Variants in C1orf167 observed in about 807,000 individuals in gnomAD.
The protein encoded by C1orf167 is uncharacterized protein C1orf167.
C1orf167 carries 153 observed loss-of-function variants against 176.5 expected under a neutral mutation model. The ratio of observed to expected loss-of-function variants is 0.87; its 90% CI spans 0.76 to 0.99. The LOEUF is 0.99. C1orf167 is among the 50% of genes least tolerant of loss of function. The probability of loss-of-function intolerance (pLI) is 0.00; values close to 1 mark genes in which losing one functional copy is unlikely to be tolerated. For synonymous variants in C1orf167, 594 were observed against 752.7 expected (o/e 0.79, Z 3.45); for missense variants, 1,490 against 1,817.7 (o/e 0.82, Z 3.28).
rs1389925784 is a variant in C1orf167 at position 11,766,079 on chromosome 1, T to A, written c.293T>A (p.Phe98Tyr). Residue 98 changes from phenylalanine to tyrosine, a missense_variant, in exon 3 of 21, where the codon TTC (phenylalanine) becomes TAC (tyrosine). Transcript: ENST00000688073. The surrounding 1 kb of genome is among the most constrained non-coding windows in gnomAD (Gnocchi z 4.5). ...DTTGQLVNSS[F>Y]WQQSNLQSLA... ...ACTGGCCAACTGGTCAATTCAAGCT[T>A]CTGGCAACAGAGCAACCTGCAGTCC... 7.8e-7 allele frequency: 1 copy of A among 1,289,756 alleles called. No homozygotes were observed. Among genetic ancestry groups the A allele is most frequent in the Non-Finnish European group, 1.0e-6 (1 of 988,890 alleles). The allele number at this position is 1,289,756 out of a possible 1,614,324, so 79.9% of individuals were successfully genotyped here.
At chr1:11,784,020 G>T (rs929532678) in intron 14 of C1orf167, among the ~76,000 whole-genome samples, 154 bp from the exon 15 acceptor site, 4 of 152,082 alleles carry the variant, frequency 2.6e-5, no homozygotes, top group Non-Finnish European at 5.9e-5. Flanking sequence ...ACCAGGCCTG[G>T]CTAATTTTTG....
intron 2 of C1orf167, 134 bp downstream of exon 2, chr1:11,764,604 G>T: frequency 2.9e-6 from 2 of 688,778 alleles, no homozygotes; most frequent in Non-Finnish European, 4.3e-6. Context: ...CCCACGGTCG[G>T]CTGGACATAG....
chr1:11,773,984 G>C (rs2100313635), intron 8 of C1orf167, among the ~76,000 whole-genome samples: 1 of 151,866 alleles, frequency 6.6e-6, no homozygotes, highest in East Asian at 1.9e-4. Context: ...TCTCACTGTA[G>C]CCTCAAATTC....
At chr1:11,783,926 C>T (rs1250077379) in intron 14 of C1orf167, among the ~76,000 whole-genome samples, 3 of 152,172 alleles carry the variant, frequency 2.0e-5, no homozygotes, top group East Asian at 1.9e-4. Flanking sequence ...TGCGCGATCT[C>T]GGCTTACTGC....
At chr1:11,773,998 G>C (rs1296015293) in intron 8 of C1orf167, among the ~76,000 whole-genome samples, 1 of 151,712 alleles carries the variant, frequency 6.6e-6, no homozygotes, top group Admixed American at 6.6e-5. Flanking sequence ...CAAATTCCTA[G>C]GCTCAAGGGA....
intron 9 of C1orf167, among the ~76,000 whole-genome samples, 185 bp from the exon 10 acceptor site, chr1:11,776,279 C>CA (rs747026761): frequency 7.3e-6 from 1 of 137,082 alleles, no homozygotes; most frequent in Non-Finnish European, 1.7e-5. Context: ...AAACAAAAAA[C>CA]AAAAAAACAC....
At chr1:11,787,169 G>A (rs1208431977) in intron 16 of C1orf167, 2 of 209,272 alleles carry the variant, frequency 9.6e-6, no homozygotes, top group Non-Finnish European at 2.0e-5. Context: ...TTTCAGTGGG[G>A]AGAGAAATAG....
chr1:11,776,537 GGA>G lies in C1orf167; in HGVS notation c.2240_2241del (p.Glu747AlafsTer213). 7.7e-7 allele frequency: 1 copy of G among 1,292,954 alleles called. No individual in the cohort carries two copies. Among genetic ancestry groups the G allele is most frequent in the Middle Eastern group, 2.2e-4 (1 of 4,588 alleles). The allele number at this position is 1,292,954 out of a possible 1,614,324, so 80.1% of individuals were successfully genotyped here. Reference protein sequence around the residue: ...GAVGQAQGQQEQGRGSLQDAC... With the variant: ...GAVGQAQGQQXQGRGSLQDAC... Reference sequence around the variant, plus strand: ...CAGTGGGCCAGGCCCAGGGGCAGCAGGAGCAAGGCCGGGGCTCCCTGCAGGAT... The same window carrying G: ...CAGTGGGCCAGGCCCAGGGGCAGCAGGCAAGGCCGGGGCTCCCTGCAGGAT... On this transcript the variant is annotated frameshift_variant, in exon 10 of 21. Coordinates refer to ENST00000688073, the MANE Select transcript of C1orf167 (RefSeq NM_001010881.2). LOFTEE classifies it high-confidence loss of function.
intron 13 of C1orf167, among the ~76,000 whole-genome samples, chr1:11,781,780 T>G (rs1171153014): frequency 1.3e-5 from 2 of 151,800 alleles, no homozygotes; most frequent in Admixed American, 1.3e-4. Context: ...CGTGGTAGTG[T>G]GCGCCTGTAG....
chr1:11,772,352 C>G (rs1036978276), intron 8 of C1orf167, 93 bp downstream of exon 8: 7 of 1,107,252 alleles, frequency 6.3e-6, no homozygotes, highest in Non-Finnish European at 8.3e-6. Context: ...GCACCCTCCA[C>G]CTCCCTGGCT....
rs984971478 is a variant in C1orf167, at chr1:11,789,265, T to G, written c.4174-5T>G. The stretch of plus-strand genomic sequence containing the variant: ...AATAGCATTTCCTCTCCTCCCTGGT[T>G]CCAGGCCTTTAAGAAGTGGCACCAA... On this transcript the variant is annotated splice_polypyrimidine_tract_variant and splice_region_variant and intron_variant, in intron 20 of 20. Coordinates refer to ENST00000688073, the MANE Select transcript of C1orf167 (RefSeq NM_001010881.2). 34 of 1,303,506 alleles carry G rather than the reference T, an allele frequency of 2.6e-5. No individual in the cohort carries two copies. Among genetic ancestry groups the G allele is most frequent in the Middle Eastern group, 2.2e-4 (1 of 4,490 alleles). 80.7% of individuals were successfully genotyped at this position (1,303,506 alleles called of 1,614,324 possible). A position where few individuals can be genotyped will look rare whatever the true frequency, so the allele number is the denominator to read the frequency against.
intron 10 of C1orf167, chr1:11,778,429 T>C: frequency 3.7e-6 from 1 of 271,236 alleles, no homozygotes; most frequent in Non-Finnish European, 7.3e-6. Context: ...TCTAGCAGAA[T>C]CTAGGGTGGG....
At chr1:11,782,443 G>A in intron 14 of C1orf167, 110 bp downstream of exon 14, 2 of 1,054,124 alleles carry the variant, frequency 1.9e-6, no homozygotes. Context: ...GGAGGCCTGT[G>A]GCCTGGGAAA....
chr1:11,778,556 A>T, intron 10 of C1orf167, 104 bp from the exon 11 acceptor site: 1 of 1,025,292 alleles, frequency 9.8e-7, no homozygotes, highest in Non-Finnish European at 1.3e-6. Context: ...GCACCCTTTC[A>T]GCCCATCTCT....
In C1orf167 at chr1:11,769,020, G is replaced by A. The variant is rs1162284400; in HGVS notation, c.1590G>A (p.Gln530=). 3.0e-6 allele frequency: 3 copies of A among 985,806 alleles called. No homozygotes were observed. The African/African-American group carries it at 5.2e-5, about 17-fold the overall frequency. The allele number at this position is 985,806 out of a possible 1,614,324, so 61.1% of individuals were successfully genotyped here. ...LQQKQVQPHM[Q]AGPGSPPSRR... ...AGAAACAAGTACAGCCCCACATGCA[G>A]GCTGGGCCAGGGTCCCCGCCCTCCA... is the stretch of plus-strand genomic sequence containing the variant. The change falls in exon 6 of 21, where the codon CAG becomes CAA. Residue 530 remains glutamine (Q), a synonymous_variant. Transcript: ENST00000688073.
rs1213029369 is a variant in C1orf167, at chr1:11,787,458, G to A, written c.3638G>A (p.Gly1213Glu). The part of the protein sequence containing the change: ...PAPSLQCSLG[G>E]RRKPRGTAWA... ...CCATCACTGCAGTGCAGCCTGGGTG[G>A]ACGGAGGAAGCCAAGGGGAACGGCC... Residue 1213 changes from glycine (G) to glutamate (E), a missense_variant, in exon 17 of 21, where the codon GGA (glycine) becomes GAA (glutamate). By Grantham distance (98) the Gly-to-Glu change is moderately conservative (BLOSUM62 -2). Coordinates refer to ENST00000688073, the MANE Select transcript of C1orf167 (RefSeq NM_001010881.2). 2 of 1,303,528 alleles carry A rather than the reference G, an allele frequency of 1.5e-6. No homozygotes were observed. Among genetic ancestry groups the A allele is most frequent in the South Asian group, 2.5e-5 (2 of 80,990 alleles). 80.7% of individuals were successfully genotyped at this position (1,303,528 alleles called of 1,614,324 possible).
In C1orf167 at chr1:11,767,094, C is replaced by T. The variant is rs1282477247; in HGVS notation, c.1299+9C>T. Reference sequence around the variant, plus strand: ...CGAGCAGTGCGTCGAAGGTAGAGGCCCGGGGAGGCTGGAGGTGGGGTAGGG... The same window carrying T: ...CGAGCAGTGCGTCGAAGGTAGAGGCTCGGGGAGGCTGGAGGTGGGGTAGGG... On this transcript the variant is annotated intron_variant, in intron 3 of 20. Coordinates refer to ENST00000688073, the MANE Select transcript of C1orf167 (RefSeq NM_001010881.2). 1 of 1,250,060 alleles carries T rather than the reference C, an allele frequency of 8.0e-7. No homozygotes were observed. 77.4% of individuals were successfully genotyped at this position (1,250,060 alleles called of 1,614,324 possible). A position where few individuals can be genotyped will look rare whatever the true frequency, so the allele number is the denominator to read the frequency against.
intron 2 of C1orf167, 45 bp downstream of exon 2, chr1:11,764,515 C>T: frequency 7.8e-7 from 1 of 1,278,684 alleles, no homozygotes; most frequent in South Asian, 1.2e-5. Context: ...AGGAGCAGGG[C>T]CCTCTCTAGG....
At chr1:11,776,186 G>T (rs1370160357) in intron 9 of C1orf167, among the ~76,000 whole-genome samples, 1 of 152,246 alleles carries the variant, frequency 6.6e-6, no homozygotes, top group Non-Finnish European at 1.5e-5. Flanking sequence ...GAACCCAGGA[G>T]GCTGAGGTTG....
Sources: allele counts gnomAD v4.1 joint callset (sites outside exome capture counted in the v4.1 genomes callset), GRCh38; gene constraint gnomAD v4.1.1; non-coding constraint Gnocchi (gnomAD v3.1); transcripts MANE v1.5; gene names NCBI Gene and HGNC (gene_info 2026-07-23, HGNC 2026-07-21).